SERGEF: variants seen among roughly 807,000 people sequenced by gnomAD.
SERGEF encodes secretion-regulating guanine nucleotide exchange factor.
In SERGEF, 51 loss-of-function variants were observed where a neutral mutation model predicts 50.0. The observed-to-expected ratio is 1.02, with a 90% CI of 0.81 to 1.29. The LOEUF is 1.29. SERGEF is among the 50% of genes most tolerant of loss of function. SERGEF has a pLI of 0.00. For missense variants in SERGEF, 521 were observed against 557.0 expected (o/e 0.94, Z 0.65); for synonymous variants, 205 against 212.4 (o/e 0.97, Z 0.30).
intron 1 of SERGEF, among the ~76,000 whole-genome samples, chr11:18,011,611 T>C (rs894002402): frequency 1.3e-5 from 2 of 152,222 alleles, no homozygotes; most frequent in African/African-American, 4.8e-5. Flanking sequence ...TTTCAGATTA[T>C]ACAGCAGGAA....
At chr11:17,997,309 A>G (rs955685668) in intron 5 of SERGEF, among the ~76,000 whole-genome samples, 9 of 152,232 alleles carry the variant, frequency 5.9e-5, no homozygotes, top group African/African-American at 2.2e-4. Context: ...ATTGCTAACC[A>G]TCAGGGAAAT....
At chr11:17,975,763 A>G (rs1853357814) in intron 8 of SERGEF, among the ~76,000 whole-genome samples, 1 of 152,198 alleles carries the variant, frequency 6.6e-6, no homozygotes, top group African/African-American at 2.4e-5. Flanking sequence ...CTGCTCCTCC[A>G]CTACTCACAG....
At chr11:18,001,476 G>A (rs1439843655) in intron 4 of SERGEF, among the ~76,000 whole-genome samples, 1 of 152,076 alleles carries the variant, frequency 6.6e-6, no homozygotes, top group Non-Finnish European at 1.5e-5. Context: ...CAATAGAAAG[G>A]TCCACATGGC....
chr11:17,923,274 C>A (rs759540319), intron 9 of SERGEF, among the ~76,000 whole-genome samples: 1 of 152,222 alleles, frequency 6.6e-6, no homozygotes, highest in Non-Finnish European at 1.5e-5. Context: ...AGGGGCCATA[C>A]CTCAGTGCGC....
intron 8 of SERGEF, among the ~76,000 whole-genome samples, chr11:17,961,815 T>C (rs1051036970): frequency 5.2e-4 from 79 of 152,220 alleles, no homozygotes; most frequent in African/African-American, 1.7e-3. Context: ...TCTGAACTTG[T>C]CTATTTCTCC....
At chr11:17,923,634 T>C (rs752067120) in intron 9 of SERGEF, among the ~76,000 whole-genome samples, 3 of 152,004 alleles carry the variant, frequency 2.0e-5, no homozygotes, top group Non-Finnish European at 4.4e-5. Context: ...GATGGACTAA[T>C]GAGAATACAG....
intron 9 of SERGEF, among the ~76,000 whole-genome samples, chr11:17,880,354 T>A (rs1043066969): frequency 6.6e-6 from 1 of 152,188 alleles, no homozygotes; most frequent in Non-Finnish European, 1.5e-5. Flanking sequence ...CAGGAAGATA[T>A]TTCGATTGAA....
intron 9 of SERGEF, among the ~76,000 whole-genome samples, chr11:17,886,896 A>G (rs1468990223): frequency 1.3e-5 from 2 of 152,176 alleles, no homozygotes; most frequent in African/African-American, 4.8e-5. Context: ...TAATTGGACT[A>G]TGGATGGACA....
chr11:17,960,653 C>G (rs1307929993), intron 8 of SERGEF, among the ~76,000 whole-genome samples: 1 of 152,194 alleles, frequency 6.6e-6, no homozygotes, highest in Non-Finnish European at 1.5e-5. Flanking sequence ...CATCTGGCCC[C>G]ACATTCAACA....
chr11:17,901,114 A>G (rs1220074674), intron 9 of SERGEF, among the ~76,000 whole-genome samples: 16 of 151,558 alleles, frequency 1.1e-4, no homozygotes, highest in Non-Finnish European at 2.2e-4. Context: ...TAGTTACCTC[A>G]GAATCACCTC....
chr11:17,919,191 CAA>C (rs892209639), intron 9 of SERGEF, among the ~76,000 whole-genome samples: 1 of 152,094 alleles, frequency 6.6e-6, no homozygotes, highest in Non-Finnish European at 1.5e-5. Flanking sequence ...AGTAAATTCT[CAA>C]AAGATGCTGA....
chr11:17,896,225 A>T (rs1340218519), intron 9 of SERGEF, among the ~76,000 whole-genome samples: 8 of 152,184 alleles, frequency 5.3e-5, no homozygotes. Flanking sequence ...AAAAGGTAGC[A>T]ATATTGAAAT....
At chr11:17,898,018 T>C (rs548011720) in intron 9 of SERGEF, among the ~76,000 whole-genome samples, 1 of 152,350 alleles carries the variant, frequency 6.6e-6, no homozygotes, top group Admixed American at 6.5e-5. Flanking sequence ...CTACATAGAT[T>C]TCTCTTGTCA....
At chr11:17,956,918 T>G (rs1038937302) in intron 9 of SERGEF, among the ~76,000 whole-genome samples, 1 of 152,156 alleles carries the variant, frequency 6.6e-6, no homozygotes, top group Non-Finnish European at 1.5e-5. Flanking sequence ...GAACCCACTC[T>G]TAGTAGCATA....
intron 5 of SERGEF, among the ~76,000 whole-genome samples, chr11:17,997,684 T>C (rs539692020): frequency 6.6e-6 from 1 of 152,334 alleles, no homozygotes; most frequent in South Asian, 2.1e-4. Flanking sequence ...ACAATGGATA[T>C]TATCCACTTT....
Position 18,006,745 on chromosome 11 carries a change from A to G in SERGEF, c.198T>C (p.Asp66=). The G allele has an allele frequency of 6.2e-7, 1 of 1,614,094 alleles. No individual in the cohort carries two copies. The change falls in exon 3 of 11, where the codon GAT becomes GAC. Residue 66 remains aspartate (D), a splice_region_variant and synonymous_variant. Transcript: ENST00000265965. ...GGGGHSAVVT[D]GGDLFVCGLN... The stretch of plus-strand genomic sequence containing the variant: ...GGCCACAAACAAAGAGGTCTCCTCC[A>G]TCTGCAAAATATAAAGGCATCAGTG...
At chr11:17,822,817 CAG>C (rs1438187324) in intron 10 of SERGEF, among the ~76,000 whole-genome samples, 3 of 152,146 alleles carry the variant, frequency 2.0e-5, no homozygotes, top group Non-Finnish European at 2.9e-5. Context: ...AGGAGGAGCA[CAG>C]AGATTTCATT....
chr11:17,839,954 C>A (rs1167704496), intron 10 of SERGEF, among the ~76,000 whole-genome samples: 1 of 152,248 alleles, frequency 6.6e-6, no homozygotes, highest in East Asian at 1.9e-4. Context: ...CTGTCCTTGG[C>A]AGATTTGCCT....
At chr11:17,969,014 A>G (rs1590224258) in intron 8 of SERGEF, among the ~76,000 whole-genome samples, 1 of 152,184 alleles carries the variant, frequency 6.6e-6, no homozygotes, top group African/African-American at 2.4e-5. Flanking sequence ...TGCTCAAGCA[A>G]CCTCTCAAGC....
Sources: allele counts gnomAD v4.1 joint callset (sites outside exome capture counted in the v4.1 genomes callset), GRCh38; gene constraint gnomAD v4.1.1; transcripts MANE v1.5; gene names NCBI Gene and HGNC (gene_info 2026-07-23, HGNC 2026-07-21).